The following PRTG variants were observed in gnomAD, a reference collection of about 807,000 sequenced individuals.
PRTG encodes immunoglobulin superfamily, DCC subclass, member 5.
In PRTG, 67 loss-of-function variants were observed where a neutral mutation model predicts 122.5. That is an observed-to-expected ratio of 0.55 (90% CI 0.45 to 0.67). PRTG has a LOEUF of 0.67. Ranked by LOEUF, PRTG falls within the 30% of genes least tolerant of loss-of-function variation. The pLI is 0.00. For synonymous variants in PRTG, 554 were observed against 501.1 expected (o/e 1.11, Z -1.41); for missense variants, 1,435 against 1,415.4 (o/e 1.01, Z -0.22).
intron 18 of PRTG, among the ~76,000 whole-genome samples, chr15:55,624,020 G>A (rs1232236911): frequency 6.6e-6 from 1 of 152,122 alleles, no homozygotes; most frequent in Non-Finnish European, 1.5e-5. Flanking sequence ...AGTAAATATA[G>A]ACTAATGACC....
chr15:55,649,513 G>A (rs956063675), intron 11 of PRTG, among the ~76,000 whole-genome samples: 3 of 152,004 alleles, frequency 2.0e-5, no homozygotes, highest in Admixed American at 6.5e-5. Flanking sequence ...AGTGGGGCAC[G>A]GTGGCTCACA....
At chr15:55,674,569 A>G (rs2059491579) in intron 9 of PRTG, among the ~76,000 whole-genome samples, 1 of 152,188 alleles carries the variant, frequency 6.6e-6, no homozygotes, top group African/African-American at 2.4e-5. Context: ...AGGCTCTTCA[A>G]TGAAAACTAA....
At chr15:55,701,235 C>T (rs1175993878) in intron 2 of PRTG, among the ~76,000 whole-genome samples, 1 of 152,064 alleles carries the variant, frequency 6.6e-6, no homozygotes, top group African/African-American at 2.4e-5. Context: ...CACATACTTG[C>T]TATAAGACTC....
intron 2 of PRTG, among the ~76,000 whole-genome samples, chr15:55,725,585 C>A (rs2030999303): frequency 6.6e-6 from 1 of 150,572 alleles, no homozygotes; most frequent in Admixed American, 6.6e-5. Flanking sequence ...GAGACAGTGA[C>A]CCTGTCTCAA....
At position 55,740,552 on chromosome 15, in the gene PRTG, C is replaced by A. The variant is rs1211902934; in HGVS notation, c.227G>T (p.Gly76Val). 1 of 1,614,116 alleles carries A rather than the reference C, an allele frequency of 6.2e-7. No homozygotes were observed. Among genetic ancestry groups the A allele is most frequent in the Non-Finnish European group, 8.5e-7 (1 of 1,180,014 alleles). The change falls in exon 2 of 20, where the codon GGA becomes GTA. Residue 76 changes from glycine (G) to valine (V), a missense_variant. By Grantham distance (109) the Gly-to-Val change is moderately radical (BLOSUM62 -3). Transcript: ENST00000389286. ...VPIKVTWLKN[G>V]AKMSENKRIE... Reference sequence around the variant, plus strand: ...CCGTTTATTTTCAGACATTTTTGCTCCATTTTTCAACCATGTGACCTTAAT... The same window carrying A: ...CCGTTTATTTTCAGACATTTTTGCTACATTTTTCAACCATGTGACCTTAAT...
rs1446765047 is a variant in PRTG, at chr15:55,740,391, C to A, written c.388G>T (p.Ala130Ser). 4 of 1,601,460 alleles carry A rather than the reference C, an allele frequency of 2.5e-6. No individual in the cohort carries two copies. Among genetic ancestry groups the A allele is most frequent in the Non-Finnish European group, 3.4e-6 (4 of 1,173,074 alleles). ...GAILSQKAHL[A>S]LSTISAFEVQ... ...AAACTTAAACACTTACTTGATAAGG[C>A]AAGATGAGCTTTTTGACTAAGAATG... The change falls in exon 2 of 20, where the codon GCC becomes TCC. Residue 130 changes from alanine (A) to serine (S), a missense_variant. Ala to Ser is a moderately conservative substitution (Grantham distance 99, BLOSUM62 1). Transcript: ENST00000389286.
At position 55,742,778 on chromosome 15, in the gene PRTG, C is replaced by G. The variant is rs111250212; in HGVS notation, c.94+60G>C. 3.9e-3 allele frequency: 5,970 copies of G among 1,532,496 alleles called. 16 individuals are homozygous for G. The highest frequency in any genetic ancestry group is 4.8e-3 in the Non-Finnish European group (5,407 of 1,135,958). 94.9% of individuals were successfully genotyped at this position (1,532,496 alleles called of 1,614,324 possible). ...GCCCCATCGTTTCCTCTTTCCCCATCCCACTCGCGCCCGCTCCCGCCCCAC... is the reference window on the plus strand; with the variant it reads ...GCCCCATCGTTTCCTCTTTCCCCATGCCACTCGCGCCCGCTCCCGCCCCAC... On this transcript the variant is annotated intron_variant, in intron 1 of 19. Coordinates refer to ENST00000389286, the MANE Select transcript of PRTG (RefSeq NM_173814.6).
chr15:55,693,835 T>C (rs529466277), intron 2 of PRTG, among the ~76,000 whole-genome samples: 8 of 152,334 alleles, frequency 5.3e-5, no homozygotes, highest in Non-Finnish European at 7.3e-5. Context: ...GGAATAGTGA[T>C]AGAATGCCTT....
At chr15:55,675,121 A>G (rs1478421900) in intron 9 of PRTG, among the ~76,000 whole-genome samples, 1 of 152,118 alleles carries the variant, frequency 6.6e-6, no homozygotes, top group African/African-American at 2.4e-5. Flanking sequence ...ATTTTTTGAC[A>G]GGTGATAAAT....
At position 55,612,972 on chromosome 15, in the gene PRTG, G is replaced by GA. The variant is rs2059127544; in HGVS notation, c.*7039dup. On this transcript the variant is annotated 3_prime_UTR_variant, in exon 20 of 20. Transcript: ENST00000389286. ...ATAATTGCAAAGGCTGACTTGAAAA[G>GA]AAAGAGTCTGTAAAATCTTTCACAG... 6.6e-6 allele frequency: 1 copy of GA among 151,786 alleles called. No individual in the cohort carries two copies. Among genetic ancestry groups the GA allele is most frequent in the Non-Finnish European group, 1.5e-5 (1 of 67,878 alleles). 9.4% of individuals were successfully genotyped at this position (151,786 alleles called of 1,614,324 possible). A position where few individuals can be genotyped will look rare whatever the true frequency, so the allele number is the denominator to read the frequency against.
At chr15:55,639,306 C>T (rs1420932409) in intron 13 of PRTG, among the ~76,000 whole-genome samples, 2 of 152,140 alleles carry the variant, frequency 1.3e-5, no homozygotes, top group African/African-American at 4.8e-5. Flanking sequence ...AGACAACTGG[C>T]CCTACTTTTT....
intron 11 of PRTG, among the ~76,000 whole-genome samples, chr15:55,651,369 T>C (rs2059352375): frequency 6.6e-6 from 1 of 152,240 alleles, no homozygotes. Flanking sequence ...AATTTTACTT[T>C]AAGGAGAACA....
chr15:55,679,639 T>C (rs1253318342), intron 6 of PRTG, 194 bp from the exon 7 acceptor site: 1 of 511,572 alleles, frequency 2.0e-6, no homozygotes, highest in African/African-American at 1.9e-5. Context: ...CCTCCATGAT[T>C]TCCCTATTCA....
In PRTG at chr15:55,629,819, A is replaced by AT. The variant is rs563897634; in HGVS notation, c.2624-816dup. ...GCATGAATATATTTTTACTGGTCTA[A>AT]TTTTTTTTTTTTTTTTTGAGATGGA... On this transcript the variant is annotated intron_variant, in intron 15 of 19. Coordinates refer to ENST00000389286, the MANE Select transcript of PRTG (RefSeq NM_173814.6). 5.6e-3 allele frequency among the ~76,000 whole-genome samples: 783 copies of AT among 140,062 alleles called. 3 individuals carry two copies. Among genetic ancestry groups the AT allele is most frequent in the East Asian group, 0.017 (85 of 4,866 alleles). 91.9% of individuals were successfully genotyped at this position (140,062 alleles called of 152,430 possible).
chr15:55,728,770 A>C (rs75733516), intron 2 of PRTG, among the ~76,000 whole-genome samples: 148,375 of 152,192 alleles, frequency 0.97, 72,447 homozygotes, highest in East Asian at 1. Context: ...TCTAAAAAAA[A>C]AAAAGGCATC....
rs1200725855 is a variant in PRTG, at chr15:55,620,216, A to G, written c.3249T>C (p.Thr1083=). The change falls in exon 20 of 20, where the codon ACT becomes ACC. Residue 1083 remains threonine, a synonymous_variant. Coordinates refer to ENST00000389286, the MANE Select transcript of PRTG (RefSeq NM_173814.6). ...PAVCFYQPGT[T]VLISDEDSPS... is the part of the protein sequence containing the mutation. Reference sequence around the variant, plus strand: ...GGGAGTCTTCATCACTGATTAATACAGTGGTGCCTGGCTGGTAAAAGCAGA... The same window carrying G: ...GGGAGTCTTCATCACTGATTAATACGGTGGTGCCTGGCTGGTAAAAGCAGA... The G allele has an allele frequency of 1.2e-6, 2 of 1,614,206 alleles. No homozygotes were observed. The highest frequency in any genetic ancestry group is 1.7e-5 in the Admixed American group (1 of 60,024).
At chr15:55,626,408 CAAA>C (rs79517434) in intron 17 of PRTG, among the ~76,000 whole-genome samples, 3 of 116,440 alleles carry the variant, frequency 2.6e-5, no homozygotes, top group Non-Finnish European at 3.7e-5. Context: ...GACTTTGTCT[CAAA>C]AAAAAAAAAA....
At chr15:55,707,148 C>T (rs1013575289) in intron 2 of PRTG, among the ~76,000 whole-genome samples, 5 of 152,048 alleles carry the variant, frequency 3.3e-5, no homozygotes, top group Admixed American at 6.6e-5. Flanking sequence ...GAATATCAAA[C>T]CAAATGTGAG....
At chr15:55,664,581 A>G (rs990400211) in intron 11 of PRTG, among the ~76,000 whole-genome samples, 3 of 151,780 alleles carry the variant, frequency 2.0e-5, no homozygotes, top group African/African-American at 7.3e-5. Flanking sequence ...AAATTTAGAA[A>G]TTTTTTTTTG....
Sources: allele counts gnomAD v4.1 joint callset (sites outside exome capture counted in the v4.1 genomes callset), GRCh38; gene constraint gnomAD v4.1.1; transcripts MANE v1.5; gene names NCBI Gene and HGNC (gene_info 2026-07-23, HGNC 2026-07-21).